The following GDPD3 variants were observed in gnomAD, a reference collection of about 807,000 sequenced individuals.
The protein encoded by GDPD3 is lysophospholipase D GDPD3.
GDPD3 carries 40 observed loss-of-function variants against 43.7 expected under a neutral mutation model. That is an observed-to-expected ratio of 0.91 (90% CI 0.71 to 1.19). GDPD3 has a LOEUF of 1.19. Ranked by LOEUF, GDPD3 falls within the 50% of genes most tolerant of loss-of-function variation. GDPD3 has a pLI of 0.00. For missense variants in GDPD3, 363 were observed against 415.8 expected, an observed-to-expected ratio of 0.87 and a Z score of 1.11; for synonymous variants, 145 against 162.9, an observed-to-expected ratio of 0.89 and a Z score of 0.84.
Position 30,112,560 on chromosome 16 carries a change from G to T in GDPD3, c.327C>A (p.Pro109=), listed in dbSNP as rs749612150. ...DVGSLDFEDL[P]LYKEKLEVYF... ...AAACCTCCAGCTTCTCCTTGTAGAG[G>T]GGCAGGTCCTGGGGAGGACAGGAAG... Residue 109 remains proline (P), a synonymous_variant, in exon 4 of 10, where the codon CCC becomes CCA. Transcript: ENST00000406256. This position sits in a 1 kb window ranked among gnomAD's most constrained non-coding sequence, Gnocchi z 5.4. 6.2e-7 allele frequency: 1 copy of T among 1,614,186 alleles called. No homozygotes were observed. The highest frequency in any genetic ancestry group is 8.5e-7 in the Non-Finnish European group (1 of 1,180,036).
chr16:30,107,986 G>GACACACACACACAC (rs113091799), intron 9 of GDPD3: 3 of 269,190 alleles, frequency 1.1e-5, no homozygotes, highest in Admixed American at 1.1e-4. Flanking sequence ...TGAGACTCTT[G>GACACACACACACAC]ACACACACAC....
chr16:30,104,877 AG>A lies in GDPD3; in HGVS notation c.951del (p.Ser318ProfsTer14). 1 of 1,612,392 alleles carries A rather than the reference AG, an allele frequency of 6.2e-7. No individual in the cohort carries two copies. The highest frequency in any genetic ancestry group is 8.5e-7 in the Non-Finnish European group (1 of 1,179,956). On this transcript the variant is annotated frameshift_variant, in exon 10 of 10. Transcript: ENST00000406256. LOFTEE classifies it high-confidence loss of function. Reference sequence around the variant, plus strand: ...AGACCTCGAGGCTTCTGGACTTAGGAGGTCCGGGCAGCTGGTCCATGGTTGT... The same window carrying A: ...AGACCTCGAGGCTTCTGGACTTAGGAGTCCGGGCAGCTGGTCCATGGTTGT... ...YLDNHGPAAR[T>X]S
At position 30,112,930 on chromosome 16, in the gene GDPD3, C is replaced by T; in HGVS notation, c.182+92G>A. On this transcript the variant is annotated intron_variant, in intron 2 of 9. Coordinates refer to ENST00000406256, the MANE Select transcript of GDPD3 (RefSeq NM_024307.3). This position sits in a 1 kb window ranked among gnomAD's most constrained non-coding sequence, Gnocchi z 5.4. ...CCACCTCCAGGGGGCGCCAGTCACC[C>T]AGCTAGGAAGTGAATGGCGTCCCTT... 1 of 1,491,484 alleles carries T rather than the reference C, an allele frequency of 6.7e-7. No individual in the cohort carries two copies. The highest frequency in any genetic ancestry group is 9.3e-7 in the Non-Finnish European group (1 of 1,074,418). The allele number at this position is 1,491,484 out of a possible 1,614,324, so 92.4% of individuals were successfully genotyped here.
At chr16:30,106,112 AAAAAC>A (rs749241126) in intron 9 of GDPD3, among the ~76,000 whole-genome samples, 5 of 152,078 alleles carry the variant, frequency 3.3e-5, no homozygotes, top group East Asian at 1.9e-4. Flanking sequence ...CTCTGTCTCA[AAAAAC>A]AAAACAAAAC....
At chr16:30,108,323 G>A (rs752774343) in intron 8 of GDPD3, 50 bp downstream of exon 8, 2 of 1,612,584 alleles carry the variant, frequency 1.2e-6, no homozygotes, top group Non-Finnish European at 1.7e-6. Context: ...GAGAAGGGCA[G>A]CAGTAGGTCT....
chr16:30,108,076 T>C (rs967300805), intron 9 of GDPD3, 137 bp downstream of exon 9: 18 of 650,380 alleles, frequency 2.8e-5, no homozygotes, highest in Admixed American at 2.6e-4. Context: ...GAGTTAAATA[T>C]ACCATTTTCC....
At position 30,112,623 on chromosome 16, in the gene GDPD3, CAG is replaced by C. The variant is rs2072911367; in HGVS notation, c.318+33_318+34del. ...GGCCCGCATTGGGCATGGTGACTCT[CAG>C]GGTGGGGGTTGGGGTGTCAGGGCAG... On this transcript the variant is annotated intron_variant, in intron 3 of 9. Transcript: ENST00000406256. This position sits in a 1 kb window ranked among gnomAD's most constrained non-coding sequence, Gnocchi z 5.4. 6.2e-7 allele frequency: 1 copy of C among 1,613,876 alleles called. No individual in the cohort carries two copies. The highest frequency in any genetic ancestry group is 8.5e-7 in the Non-Finnish European group (1 of 1,179,898).
intron 7 of GDPD3, among the ~76,000 whole-genome samples, chr16:30,109,029 A>G (rs540795996): frequency 1.3e-3 from 203 of 151,912 alleles, no homozygotes; most frequent in African/African-American, 4.8e-3. Flanking sequence ...ACAGGGTTTC[A>G]CCCTGTTAGC....
At position 30,108,195 on chromosome 16, in the gene GDPD3, T is replaced by C. The variant is rs770773254; in HGVS notation, c.819+18A>G. ...CTGCCAGGTCTGTGTGCGGTGGAAG[T>C]GGTGGTCACGGCCTCACCTGCACCC... On this transcript the variant is annotated intron_variant, in intron 9 of 9. Coordinates refer to ENST00000406256, the MANE Select transcript of GDPD3 (RefSeq NM_024307.3). The C allele has an allele frequency of 1.9e-6, 3 of 1,570,170 alleles. No individual in the cohort carries two copies. Among genetic ancestry groups the C allele is most frequent in the Non-Finnish European group, 2.6e-6 (3 of 1,153,750 alleles).
chr16:30,112,171 G>T lies in GDPD3; in HGVS notation c.534C>A (p.Ala178=). The change falls in exon 6 of 10, where the codon GCC becomes GCA. Residue 178 remains alanine, a synonymous_variant. Transcript: ENST00000406256. This position sits in a 1 kb window ranked among gnomAD's most constrained non-coding sequence, Gnocchi z 5.4. The part of the protein sequence containing the change: ...RYDRNEITIW[A]SEKSSVMKKC... Reference sequence around the variant, plus strand: ...TCTTCATGACCGAGCTCTTCTCCGAGGCCCAGATGGTGATTTCATTACGGT... The same window carrying T: ...TCTTCATGACCGAGCTCTTCTCCGATGCCCAGATGGTGATTTCATTACGGT... 6.2e-7 allele frequency: 1 copy of T among 1,614,114 alleles called. No homozygotes were observed. Among genetic ancestry groups the T allele is most frequent in the African/African-American group, 1.3e-5 (1 of 75,040 alleles).
intron 9 of GDPD3, 180 bp downstream of exon 9, chr16:30,108,033 G>T (rs1402814628): frequency 1.8e-6 from 1 of 562,162 alleles, no homozygotes; most frequent in South Asian, 2.2e-5. Context: ...AGAAAATTGT[G>T]TGTGTTCGTG....
chr16:30,113,100 G>C lies in GDPD3; in HGVS notation c.140-36C>G, dbSNP rs1421806168. 1.3e-6 allele frequency: 2 copies of C among 1,583,458 alleles called. No homozygotes were observed. Among genetic ancestry groups the C allele is most frequent in the Admixed American group, 1.7e-5 (1 of 59,460 alleles). Reference sequence around the variant, plus strand: ...CACTGGAGTGGGCCTCTGGGGCTTGGGGTCTAGGGGCCTGGCCCAACCTCA... The same window carrying C: ...CACTGGAGTGGGCCTCTGGGGCTTGCGGTCTAGGGGCCTGGCCCAACCTCA... On this transcript the variant is annotated intron_variant, in intron 1 of 9. Coordinates refer to ENST00000406256, the MANE Select transcript of GDPD3 (RefSeq NM_024307.3). This position sits in a 1 kb window ranked among gnomAD's most constrained non-coding sequence, Gnocchi z 5.9.
chr16:30,110,701 G>A (rs1455349751), intron 7 of GDPD3, among the ~76,000 whole-genome samples: 3 of 151,620 alleles, frequency 2.0e-5, no homozygotes, highest in Non-Finnish European at 4.4e-5. Flanking sequence ...GTGAGACCTT[G>A]TCTCTACAAA....
chr16:30,109,090 A>ACT (rs1291453574), intron 7 of GDPD3, among the ~76,000 whole-genome samples: 52 of 152,188 alleles, frequency 3.4e-4, no homozygotes, highest in Non-Finnish European at 6.6e-4. Flanking sequence ...TTGGCCTCCC[A>ACT]AAGTGCTGGG....
Position 30,112,088 on chromosome 16 carries a change from C to T in GDPD3, c.573+44G>A. Reference sequence around the variant, plus strand: ...GGGCTCCAGCTCTGGGGAGGAGGGGCCCCTGGAGGAGGAAGAGGACGGGGG... The same window carrying T: ...GGGCTCCAGCTCTGGGGAGGAGGGGTCCCTGGAGGAGGAAGAGGACGGGGG... On this transcript the variant is annotated intron_variant, in intron 6 of 9. Transcript: ENST00000406256. This position sits in a 1 kb window ranked among gnomAD's most constrained non-coding sequence, Gnocchi z 5.4. 1 of 1,519,818 alleles carries T rather than the reference C, an allele frequency of 6.6e-7. No homozygotes were observed. Among genetic ancestry groups the T allele is most frequent in the South Asian group, 1.1e-5 (1 of 88,942 alleles). 94.1% of individuals were successfully genotyped at this position (1,519,818 alleles called of 1,614,324 possible).
chr16:30,109,529 G>A (rs138112394), intron 7 of GDPD3, among the ~76,000 whole-genome samples: 43 of 151,448 alleles, frequency 2.8e-4, no homozygotes, highest in Admixed American at 1.1e-3. Flanking sequence ...AACAATGGCC[G>A]GGCGCGGTGG....
In GDPD3 at chr16:30,106,775, C is replaced by T. The variant is rs543885594; in HGVS notation, c.819+1438G>A. On this transcript the variant is annotated intron_variant, in intron 9 of 9. Coordinates refer to ENST00000406256, the MANE Select transcript of GDPD3 (RefSeq NM_024307.3). ...AGGCTGGAGTGCAGTGGCGTGATCT[C>T]GGCTCACTATAGCCTCCAGCTCCTG... Among the ~76,000 whole-genome samples, 12 of 150,902 alleles carry T rather than the reference C, an allele frequency of 8.0e-5. No homozygotes were observed. In the South Asian group the frequency reaches 2.1e-3, roughly 26 times the overall value.
In GDPD3 at chr16:30,113,346, G is replaced by A. The variant is rs778819309; in HGVS notation, c.133C>T (p.Arg45Ter). ...TCACCCCTACCCGGCTCACCTCCTCGGTGGGCCCCCAGGCGGATGCGGAAG... is the reference window on the plus strand; with the variant it reads ...TCACCCCTACCCGGCTCACCTCCTCAGTGGGCCCCCAGGCGGATGCGGAAG... ...PTFRIRLGAH[R>*]GGSGELLENT... is the part of the protein sequence containing the mutation. The change falls in exon 1 of 10, where the codon CGA (arginine) becomes TGA (stop). Residue 45 changes from arginine (R) to a stop codon, truncating the protein, a stop_gained. Transcript: ENST00000406256. LOFTEE classifies it high-confidence loss of function. This position sits in a 1 kb window ranked among gnomAD's most constrained non-coding sequence, Gnocchi z 5.9. The A allele has an allele frequency of 1.1e-5, 18 of 1,600,646 alleles. No homozygotes were observed. Among genetic ancestry groups the A allele is most frequent in the East Asian group, 2.2e-5 (1 of 44,716 alleles).
chr16:30,106,901 G>A (rs1337561306), intron 9 of GDPD3, among the ~76,000 whole-genome samples: 2 of 152,126 alleles, frequency 1.3e-5, no homozygotes, highest in Non-Finnish European at 2.9e-5. Flanking sequence ...TAGAGATGGG[G>A]TTTCACAATG....
Sources: gnomAD v4.1 joint callset for allele counts (sites outside exome capture counted in the v4.1 genomes callset) on GRCh38, gnomAD v4.1.1 for gene constraint, Gnocchi (gnomAD v3.1) non-coding constraint, MANE v1.5 for transcripts, NCBI Gene and HGNC (gene_info 2026-07-23, HGNC 2026-07-21) for gene names.